Variants in DOT1L observed in about 807,000 individuals in gnomAD.
DOT1L encodes DOT1 like histone lysine methyltransferase.
In DOT1L, 33 loss-of-function variants were observed where a neutral mutation model predicts 153.3. The ratio of observed to expected loss-of-function variants is 0.22; its 90% confidence interval spans 0.16 to 0.29. DOT1L has a LOEUF of 0.29. Among genes scored for constraint, DOT1L ranks in the 10% least tolerant of loss-of-function variants. The pLI, the probability that DOT1L is intolerant of heterozygous loss-of-function variation, is 1.00. For synonymous variants in DOT1L, 1,135 were observed against 965.1 expected, an observed-to-expected ratio of 1.18 and a Z score of -3.26; for missense variants, 1,847 against 2,119.9, an observed-to-expected ratio of 0.87 and a Z score of 2.53.
chr19:2,224,247 T>C (rs768289007), intron 25 of DOT1L, among the ~76,000 whole-genome samples: 36 of 152,138 alleles, frequency 2.4e-4, no homozygotes, highest in Non-Finnish European at 7.4e-5. Flanking sequence ...GTGTTTGTGT[T>C]TGGGAGCAAG....
rs2022794187 is a variant in DOT1L at position 2,191,576 on chromosome 19, G to T, written c.493+336G>T. ...TGCTCGCTCCCAGAAGCTGCCACTC[G>T]CTAGCCTGGGCCCCAGCCCGGGCCC... On this transcript the variant is annotated intron_variant, in intron 5 of 27. Coordinates refer to ENST00000398665, the MANE Select transcript of DOT1L (RefSeq NM_032482.3). The surrounding 1 kb of genome is among the most constrained non-coding windows in gnomAD (Gnocchi z 6.8). 6.6e-6 allele frequency among the ~76,000 whole-genome samples: 1 copy of T among 152,060 alleles called. No individual in the cohort carries two copies. Among genetic ancestry groups the T allele is most frequent in the African/African-American group, 2.4e-5 (1 of 41,392 alleles).
rs2022811688 is a variant in DOT1L, at chr19:2,191,903, T to A, written c.493+663T>A. ...TCCTTGAAACGAGGCCCTAGGTGTG[T>A]CTTCAGCAGCAGCGTGGCCTGGCTG... On this transcript the variant is annotated intron_variant, in intron 5 of 27. Transcript: ENST00000398665. The surrounding 1 kb of genome is among the most constrained non-coding windows in gnomAD (Gnocchi z 6.8). Among the ~76,000 whole-genome samples the A allele has an allele frequency of 6.6e-6, 1 of 152,178 alleles. No homozygotes were observed. Among genetic ancestry groups the A allele is most frequent in the Admixed American group, 6.5e-5 (1 of 15,288 alleles).
intron 2 of DOT1L, among the ~76,000 whole-genome samples, chr19:2,182,715 G>A (rs1266585471): frequency 1.3e-5 from 2 of 152,144 alleles, no homozygotes; most frequent in African/African-American, 4.8e-5. Context: ...CAGGGGAGCT[G>A]CACCTGCTCC....
intron 3 of DOT1L, among the ~76,000 whole-genome samples, chr19:2,187,921 C>CA (rs1244944912): frequency 1.3e-3 from 39 of 30,994 alleles, no homozygotes; most frequent in South Asian, 2.4e-3. Context: ...GACTCCATCT[C>CA]AGAAAAAAAA....
At position 2,228,761 on chromosome 19, in the gene DOT1L, A is replaced by T. The variant is rs567480043; in HGVS notation, c.4607-1024A>T. ...CATCCGCACCAGGCCCAGGTCACTC[A>T]TGACGGGTGGCGTGGCTTGGTGCTG... On this transcript the variant is annotated intron_variant, in intron 27 of 27. Coordinates refer to ENST00000398665, the MANE Select transcript of DOT1L (RefSeq NM_032482.3). 1.2e-5 allele frequency: 12 copies of T among 985,386 alleles called. No homozygotes were observed. The South Asian group carries it at 5.6e-4, about 46-fold the overall frequency. 61.0% of individuals were successfully genotyped at this position (985,386 alleles called of 1,614,324 possible). A position where few individuals can be genotyped will look rare whatever the true frequency, so the allele number is the denominator to read the frequency against.
At chr19:2,219,454 C>G (rs1038266630) in intron 22 of DOT1L, among the ~76,000 whole-genome samples, 5 of 152,244 alleles carry the variant, frequency 3.3e-5, no homozygotes, top group Non-Finnish European at 5.9e-5. Flanking sequence ...TGTCCCTTCT[C>G]TTGGCACGTG....
rs916024349 is a variant in DOT1L at position 2,231,530 on chromosome 19, C to T, written c.*1738C>T. 3 of 195,258 alleles carry T rather than the reference C, an allele frequency of 1.5e-5. No homozygotes were observed. Among genetic ancestry groups the T allele is most frequent in the Non-Finnish European group, 3.2e-5 (3 of 94,176 alleles). The allele number at this position is 195,258 out of a possible 1,614,324, so 12.1% of individuals were successfully genotyped here. On this transcript the variant is annotated 3_prime_UTR_variant, in exon 28 of 28. Coordinates refer to ENST00000398665, the MANE Select transcript of DOT1L (RefSeq NM_032482.3). ...AACCTCTCAGACCCCCACCCTCCAACATAGCTGAGTTCTGAAGATGGTGCT... is the reference window on the plus strand; with the variant it reads ...AACCTCTCAGACCCCCACCCTCCAATATAGCTGAGTTCTGAAGATGGTGCT...
intron 25 of DOT1L, among the ~76,000 whole-genome samples, chr19:2,223,896 C>T (rs1020453986): frequency 2.0e-5 from 3 of 152,214 alleles, no homozygotes; most frequent in African/African-American, 4.8e-5. Flanking sequence ...GGTATATCCA[C>T]ATTACCACTG....
chr19:2,227,154 C>A (rs557155892), intron 27 of DOT1L, 27 bp downstream of exon 27: 2 of 1,565,110 alleles, frequency 1.3e-6, no homozygotes, highest in Non-Finnish European at 1.7e-6. Flanking sequence ...TCCGTCCGCC[C>A]CCCGCCCCGG....
chr19:2,175,561 G>T (rs2021887609), intron 1 of DOT1L, among the ~76,000 whole-genome samples: 1 of 152,210 alleles, frequency 6.6e-6, no homozygotes, highest in Non-Finnish European at 1.5e-5. Context: ...GGACGCAGTG[G>T]CTCACGCCTA....
At chr19:2,181,057 C>T (rs1362546905) in intron 2 of DOT1L, among the ~76,000 whole-genome samples, 3 of 152,332 alleles carry the variant, frequency 2.0e-5, no homozygotes, top group Non-Finnish European at 4.4e-5. Flanking sequence ...CGACCTTCAC[C>T]CTCACGCGCC....
rs1451073398 is a variant in DOT1L at position 2,165,362 on chromosome 19, C to CCG, written c.81+1098_81+1099dup. Among the ~76,000 whole-genome samples the CCG allele has an allele frequency of 2.6e-5, 4 of 152,238 alleles. No individual in the cohort carries two copies. The East Asian group carries it at 7.7e-4, about 29-fold the overall frequency. ...CAGGACGCGGAGAGCGCTGGGGAGC[C>CCG]CGGGCTGGCTCACTGCCCCGGGTCG... On this transcript the variant is annotated intron_variant, in intron 1 of 27. Coordinates refer to ENST00000398665, the MANE Select transcript of DOT1L (RefSeq NM_032482.3).
At chr19:2,228,053 C>T (rs775449403) in intron 27 of DOT1L, 5 of 1,308,596 alleles carry the variant, frequency 3.8e-6, no homozygotes, top group East Asian at 1.1e-4. Context: ...ACCCTGAGCC[C>T]GCGCTTCTGC....
chr19:2,224,060 G>A (rs566892986), intron 25 of DOT1L, among the ~76,000 whole-genome samples: 6 of 152,100 alleles, frequency 3.9e-5, no homozygotes, highest in African/African-American at 4.8e-5. Context: ...TCCTAGGAGC[G>A]GAGTCACACA....
rs2023825496 is a variant in DOT1L at position 2,214,364 on chromosome 19, A to G, written c.1798-107A>G. The stretch of plus-strand genomic sequence containing the variant: ...CAGAAACGGGGTCTGTGCCCTAAGC[A>G]CACATGCTGTTGGCTGAGGCAGGCC... On this transcript the variant is annotated intron_variant, in intron 18 of 27. Coordinates refer to ENST00000398665, the MANE Select transcript of DOT1L (RefSeq NM_032482.3). The G allele has an allele frequency of 9.9e-6, 15 of 1,517,690 alleles. No homozygotes were observed. In the South Asian group the frequency reaches 1.8e-4, roughly 18 times the overall value. 94.0% of individuals were successfully genotyped at this position (1,517,690 alleles called of 1,614,324 possible). A position where few individuals can be genotyped will look rare whatever the true frequency, so the allele number is the denominator to read the frequency against.
chr19:2,225,546 C>A, intron 26 of DOT1L, 94 bp downstream of exon 26: 1 of 1,327,276 alleles, frequency 7.5e-7, no homozygotes, highest in Non-Finnish European at 1.1e-6. Context: ...CCCGCTGCAT[C>A]GTGTCCCGCA....
intron 22 of DOT1L, among the ~76,000 whole-genome samples, chr19:2,218,199 T>C (rs1379573582): frequency 6.6e-6 from 1 of 152,166 alleles, no homozygotes; most frequent in Non-Finnish European, 1.5e-5. Context: ...GCTCCCAGCC[T>C]CACTCCTCAC....
rs762886707 is a variant in DOT1L, at chr19:2,202,815, A to G, written c.787+36A>G. 4.3e-6 allele frequency: 7 copies of G among 1,611,994 alleles called. No homozygotes were observed. In the South Asian group the frequency reaches 5.5e-5, roughly 13 times the overall value. On this transcript the variant is annotated intron_variant, in intron 9 of 27. Transcript: ENST00000398665. ...CTCCTCGCCGGTCTGTGCTGGTGTG[A>G]CATGATTGAGGAAGGGTGGCCAGGA...
rs758625194 is a variant in DOT1L, at chr19:2,204,935, G to C, written c.788-1794G>C. Among the ~76,000 whole-genome samples the C allele has an allele frequency of 1.3e-5, 2 of 152,124 alleles. No homozygotes were observed. Among genetic ancestry groups the C allele is most frequent in the Non-Finnish European group, 2.9e-5 (2 of 68,022 alleles). On this transcript the variant is annotated intron_variant, in intron 9 of 27. Coordinates refer to ENST00000398665, the MANE Select transcript of DOT1L (RefSeq NM_032482.3). This position sits in a 1 kb window ranked among gnomAD's most constrained non-coding sequence, Gnocchi z 5.7. ...CCAGGGGAGGAGAGCTGGGATGGCG[G>C]AGTGTGCATGTGTTTAAATGGATCC...
Sources: gnomAD v4.1 joint callset for allele counts (sites outside exome capture counted in the v4.1 genomes callset) on GRCh38, gnomAD v4.1.1 for gene constraint, Gnocchi (gnomAD v3.1) non-coding constraint, MANE v1.5 for transcripts, NCBI Gene and HGNC (gene_info 2026-07-23, HGNC 2026-07-21) for gene names.